The following IL1RAPL2 variants were observed in gnomAD, a reference collection of about 807,000 sequenced individuals.
The protein encoded by IL1RAPL2 is interleukin 1 receptor accessory protein like 2, also known as X-linked interleukin-1 receptor accessory protein-like 2.
A neutral mutation model predicts 44.1 loss-of-function variants in IL1RAPL2; 3 were observed. The observed-to-expected ratio is 0.07, with a 90% CI of 0.03 to 0.18. The LOEUF (loss-of-function observed/expected upper bound fraction) is 0.18, where lower values mean the gene tolerates loss of function less well. Ranked by LOEUF, IL1RAPL2 falls within the 10% of genes least tolerant of loss-of-function variation. The pLI is 1.00. For synonymous variants in IL1RAPL2, 181 were observed against 178.8 expected, an observed-to-expected ratio of 1.01 and a Z score of -0.10; for missense variants, 391 against 496.4, an observed-to-expected ratio of 0.79 and a Z score of 2.02.
intron 6 of IL1RAPL2, among the ~76,000 whole-genome samples, chrX:105,705,171 G>C (rs2038154893): frequency 9.1e-6 from 1 of 109,607 alleles, no homozygotes; most frequent in Non-Finnish European, 1.9e-5. Context: ...GTCATTTGGG[G>C]TGGGGGGGAT....
intron 6 of IL1RAPL2, among the ~76,000 whole-genome samples, chrX:105,605,444 C>A (rs57035390): frequency 9.0e-6 from 1 of 110,842 alleles, no homozygotes; most frequent in South Asian, 3.7e-4. Flanking sequence ...TGAATGAAAT[C>A]GAAGAATACA....
intron 6 of IL1RAPL2, among the ~76,000 whole-genome samples, chrX:105,687,240 A>G (rs1282881747): frequency 9.5e-6 from 1 of 105,097 alleles, no homozygotes; most frequent in Non-Finnish European, 2.0e-5. Flanking sequence ...GAAATGAAAG[A>G]GATAGAGACA....
Position 105,658,259 on chromosome X carries a change from A to C in IL1RAPL2, c.773-59108A>C, listed in dbSNP as rs181664424. Among the ~76,000 whole-genome samples the C allele has an allele frequency of 3.7e-3, 416 of 111,667 alleles. 4 individuals are homozygous for C. Among genetic ancestry groups the C allele is most frequent in the African/African-American group, 0.013 (396 of 30,683 alleles). On this transcript the variant is annotated intron_variant, in intron 6 of 10. Transcript: ENST00000372582. ...GTTTAGGGGAAAGTAAGGGAAGAGA[A>C]CAAGAGTCTCTGCTTGGTGATCCAG...
chrX:105,415,804 T>TA (rs1220667845), intron 5 of IL1RAPL2, among the ~76,000 whole-genome samples: 1 of 111,476 alleles, frequency 9.0e-6, no homozygotes, highest in Non-Finnish European at 1.9e-5. Context: ...AAGAACAAAA[T>TA]AAAAAAATTA....
chrX:105,663,452 CTG>C (rs960163380), intron 6 of IL1RAPL2, among the ~76,000 whole-genome samples: 3 of 111,907 alleles, frequency 2.7e-5, no homozygotes, highest in African/African-American at 9.7e-5. Flanking sequence ...ATAAAATTAA[CTG>C]TAGTCCATAC....
chrX:105,113,486 T>C (rs1196140679), intron 2 of IL1RAPL2, among the ~76,000 whole-genome samples: 1 of 112,309 alleles, frequency 8.9e-6, no homozygotes, highest in Non-Finnish European at 1.9e-5. Context: ...ACTTTATTAT[T>C]CATAAGGATG....
intron 2 of IL1RAPL2, among the ~76,000 whole-genome samples, chrX:105,002,424 C>T (rs990793696): frequency 1.8e-5 from 2 of 111,169 alleles, no homozygotes; most frequent in African/African-American, 6.5e-5. Context: ...AAATGAACTC[C>T]ACCTAAATAG....
intron 5 of IL1RAPL2, among the ~76,000 whole-genome samples, chrX:105,346,494 T>C (rs1277180114): frequency 3.6e-5 from 4 of 112,277 alleles, no homozygotes; most frequent in Non-Finnish European, 7.5e-5. Context: ...AGAAAATAAA[T>C]CACCTTAATT....
intron 2 of IL1RAPL2, among the ~76,000 whole-genome samples, chrX:105,007,375 C>A (rs1264287819): frequency 9.9e-5 from 11 of 111,394 alleles, no homozygotes; most frequent in Non-Finnish European, 1.3e-4. Context: ...TAAACTAAAC[C>A]TGGGTCATCT....
chrX:105,371,786 G>A lies in IL1RAPL2; in HGVS notation c.697+104245G>A, dbSNP rs1013614167. Among the ~76,000 whole-genome samples, 4 of 112,327 alleles carry A rather than the reference G, an allele frequency of 3.6e-5. No homozygotes were observed. The South Asian group carries it at 1.5e-3, about 41-fold the overall frequency. On this transcript the variant is annotated intron_variant, in intron 5 of 10. Coordinates refer to ENST00000372582, the MANE Select transcript of IL1RAPL2 (RefSeq NM_017416.2). ...ACCATTTGTTTTAATGCTTTGCATG[G>A]AAAGATCCTTCAAATATGCCATTAT... is the stretch of plus-strand genomic sequence containing the variant.
intron 2 of IL1RAPL2, among the ~76,000 whole-genome samples, chrX:104,869,456 C>G (rs938416111): frequency 1.3e-4 from 15 of 111,650 alleles, no homozygotes; most frequent in Non-Finnish European, 2.5e-4. Flanking sequence ...AAACTTCTTC[C>G]TTTTAAAATA....
At chrX:105,138,858 C>A (rs1787306192) in intron 2 of IL1RAPL2, among the ~76,000 whole-genome samples, 1 of 111,152 alleles carries the variant, frequency 9.0e-6, no homozygotes, top group African/African-American at 3.3e-5. Context: ...AGTTCTGGCT[C>A]CATCATGCTA....
chrX:104,584,268 G>A (rs1408319558), intron 1 of IL1RAPL2, among the ~76,000 whole-genome samples: 1 of 111,153 alleles, frequency 9.0e-6, no homozygotes, highest in South Asian at 3.8e-4. Flanking sequence ...CATGCTCAAG[G>A]TTACAGGGCA....
At chrX:104,829,626 G>A (rs1037477918) in intron 2 of IL1RAPL2, among the ~76,000 whole-genome samples, 1 of 112,382 alleles carries the variant, frequency 8.9e-6, no homozygotes, top group African/African-American at 3.2e-5. Flanking sequence ...TTCAACCTTT[G>A]TCCATTTATA....
intron 2 of IL1RAPL2, among the ~76,000 whole-genome samples, chrX:105,070,705 AT>A (rs2147537800): frequency 9.4e-6 from 1 of 106,648 alleles, no homozygotes; most frequent in East Asian, 2.9e-4. Flanking sequence ...AAAAATAAAA[AT>A]AAAAAAATAT....
At chrX:105,433,436 A>G (rs950423727) in intron 5 of IL1RAPL2, among the ~76,000 whole-genome samples, 1 of 111,372 alleles carries the variant, frequency 9.0e-6, no homozygotes, top group Non-Finnish European at 1.9e-5. Context: ...TGCCATAGCT[A>G]TGTCCTCTAA....
intron 5 of IL1RAPL2, among the ~76,000 whole-genome samples, chrX:105,281,645 T>G (rs540648314): frequency 1.8e-5 from 2 of 111,578 alleles, no homozygotes; most frequent in South Asian, 7.6e-4. Flanking sequence ...TCTGTAGTAT[T>G]CAGTACACTA....
At chrX:105,202,557 ACCT>A (rs1569402797) in intron 3 of IL1RAPL2, among the ~76,000 whole-genome samples, 4 of 111,318 alleles carry the variant, frequency 3.6e-5, no homozygotes, top group African/African-American at 1.3e-4. Flanking sequence ...TATTGCCACT[ACCT>A]CCTATTTTTC....
chrX:105,579,000 A>C (rs182653000), intron 6 of IL1RAPL2, among the ~76,000 whole-genome samples: 1 of 111,740 alleles, frequency 8.9e-6, no homozygotes, highest in East Asian at 2.8e-4. Flanking sequence ...ATAATGTTAG[A>C]GGTAGACTTG....
Sources: gnomAD v4.1 joint callset for allele counts (sites outside exome capture counted in the v4.1 genomes callset) on GRCh38, gnomAD v4.1.1 for gene constraint, MANE v1.5 for transcripts, NCBI Gene and HGNC (gene_info 2026-07-23, HGNC 2026-07-21) for gene names.